Variants in WWC1 observed in about 807,000 individuals in gnomAD.
WWC1 encodes WW and C2 domain containing 1, also known as protein KIBRA.
WWC1 carries 55 observed loss-of-function variants against 138.4 expected under a neutral mutation model. The observed-to-expected ratio is 0.40, with a 90% CI of 0.32 to 0.50. The LOEUF (loss-of-function observed/expected upper bound fraction) is 0.50, where lower values mean the gene tolerates loss of function less well. Among genes scored for constraint, WWC1 ranks in the 20% least tolerant of loss-of-function variants. The pLI, the probability that WWC1 is intolerant of heterozygous loss-of-function variation, is 0.72. For missense variants in WWC1, 1,226 were observed against 1,420.4 expected (o/e 0.86, Z 2.20); for synonymous variants, 524 against 564.9 (o/e 0.93, Z 1.03).
Position 168,410,957 on chromosome 5 carries a change from C to T in WWC1, c.941+962C>T, listed in dbSNP as rs372876827. Reference sequence around the variant, plus strand: ...TTTTTTTTTTTTTTTTTTTTTGAGACGGAGTCTCGCTCTGTCACCCAGGAT... The same window carrying T: ...TTTTTTTTTTTTTTTTTTTTTGAGATGGAGTCTCGCTCTGTCACCCAGGAT... On this transcript the variant is annotated intron_variant, in intron 8 of 22. Transcript: ENST00000265293. 7.5e-3 allele frequency among the ~76,000 whole-genome samples: 845 copies of T among 112,072 alleles called. 11 individuals are homozygous for T. The highest frequency in any genetic ancestry group is 0.029 in the African/African-American group (805 of 27,448). 73.5% of individuals were successfully genotyped at this position (112,072 alleles called of 152,430 possible).
intron 1 of WWC1, among the ~76,000 whole-genome samples, chr5:168,367,027 A>T (rs941372488): frequency 4.6e-5 from 7 of 151,522 alleles, no homozygotes; most frequent in African/African-American, 1.7e-4. Flanking sequence ...TGAACTCCTG[A>T]CCTCGGGTGA....
chr5:168,317,935 G>A (rs1374895285), intron 1 of WWC1, among the ~76,000 whole-genome samples: 3 of 152,158 alleles, frequency 2.0e-5, no homozygotes, highest in African/African-American at 4.8e-5. Context: ...CTGAGAACAC[G>A]TTCACAGATA....
At chr5:168,456,969 G>C (rs144503706) in intron 19 of WWC1, among the ~76,000 whole-genome samples, 1 of 151,810 alleles carries the variant, frequency 6.6e-6, no homozygotes, top group Non-Finnish European at 1.5e-5. Flanking sequence ...TCCAGGATTC[G>C]CATCTTCAAA....
rs6874818 is a variant in WWC1, at chr5:168,428,094, C to A, written c.1872C>A (p.Asp624Glu). The A allele has an allele frequency of 6.2e-7, 1 of 1,613,764 alleles. No individual in the cohort carries two copies. Among genetic ancestry groups the A allele is most frequent in the Non-Finnish European group, 8.5e-7 (1 of 1,179,816 alleles). The change falls in exon 12 of 23, where the codon GAC (aspartate) becomes GAA (glutamate). Residue 624 changes from aspartate (D) to glutamate (E), a missense_variant. Physicochemically the swap from Asp to Glu is conservative, Grantham distance 45. This residue lies in a region of WWC1 where 1,016 missense variants were observed against 1,153.9 expected (regional missense o/e 0.88). Transcript: ENST00000265293. ...CCTGTGTCTCAGCCGCCGTATCGGA[C>A]GAGTCAGTGGCTGGAGACAGTGGTG... is the stretch of plus-strand genomic sequence containing the variant. ...KVACVSAAVS[D>E]ESVAGDSGVY...
chr5:168,435,572 G>A (rs558543056), intron 15 of WWC1, among the ~76,000 whole-genome samples: 164 of 152,058 alleles, frequency 1.1e-3, no homozygotes, highest in African/African-American at 3.3e-3. Context: ...CACCATGGCC[G>A]GCTAATTTTT....
chr5:168,371,163 C>T (rs141270707), intron 1 of WWC1, among the ~76,000 whole-genome samples: 2 of 152,312 alleles, frequency 1.3e-5, no homozygotes, highest in African/African-American at 4.8e-5. Context: ...TGACTTGCTC[C>T]AGTCACTTCT....
intron 1 of WWC1, among the ~76,000 whole-genome samples, chr5:168,308,386 AGAG>A (rs1183537093): frequency 6.6e-6 from 1 of 152,262 alleles, no homozygotes; most frequent in African/African-American, 2.4e-5. Flanking sequence ...TCCAAAGGTC[AGAG>A]GATAAAGTTA....
chr5:168,403,006 T>TTCTTTC (rs1220927332), intron 5 of WWC1, among the ~76,000 whole-genome samples: 6 of 105,608 alleles, frequency 5.7e-5, no homozygotes, highest in South Asian at 3.5e-4. Flanking sequence ...TGTTGTTTCT[T>TTCTTTC]TTTCTTTCTT....
At chr5:168,305,072 G>A (rs1273314274) in intron 1 of WWC1, among the ~76,000 whole-genome samples, 4 of 151,300 alleles carry the variant, frequency 2.6e-5, no homozygotes, top group Non-Finnish European at 4.4e-5. Context: ...TGATCCACCC[G>A]CCTCAGCCTC....
At chr5:168,438,371 T>A (rs964348205) in intron 15 of WWC1, among the ~76,000 whole-genome samples, 11 of 152,190 alleles carry the variant, frequency 7.2e-5, no homozygotes, top group Non-Finnish European at 1.2e-4. Flanking sequence ...CTGATGGTTA[T>A]ATAAGGGGCT....
chr5:168,413,834 T>C (rs1024184738), intron 8 of WWC1, among the ~76,000 whole-genome samples: 3 of 152,214 alleles, frequency 2.0e-5, no homozygotes, highest in African/African-American at 7.2e-5. Context: ...GAATTTTTCT[T>C]ATCTTTAAGG....
At chr5:168,339,833 T>TCTTTCTTTC (rs879455950) in intron 1 of WWC1, among the ~76,000 whole-genome samples, 9 of 25,064 alleles carry the variant, frequency 3.6e-4, no homozygotes, top group African/African-American at 9.0e-4. Flanking sequence ...TTTCTTTCTT[T>TCTTTCTTTC]TTCTTTTCTT....
chr5:168,437,877 G>T (rs1754380574), intron 15 of WWC1, among the ~76,000 whole-genome samples: 1 of 152,116 alleles, frequency 6.6e-6, no homozygotes, highest in Non-Finnish European at 1.5e-5. Context: ...ATCCCCCTAG[G>T]AAACCACGAG....
chr5:168,358,227 A>G (rs561474574), intron 1 of WWC1, among the ~76,000 whole-genome samples: 3 of 152,330 alleles, frequency 2.0e-5, no homozygotes, highest in East Asian at 1.9e-4. Context: ...TGCACAGCTT[A>G]GTTTAGAAAA....
At chr5:168,424,126 G>A in intron 11 of WWC1, 58 bp downstream of exon 11, 1 of 1,522,658 alleles carries the variant, frequency 6.6e-7, no homozygotes, top group South Asian at 1.3e-5. Context: ...GATACTCTGT[G>A]CTCAGAACCC....
chr5:168,414,169 C>T, intron 8 of WWC1, 179 bp from the exon 9 acceptor site: 1 of 837,874 alleles, frequency 1.2e-6, no homozygotes, highest in Admixed American at 3.0e-5. Flanking sequence ...ATTGTTGGCA[C>T]ATGGTAGGCA....
chr5:168,397,781 T>C lies in WWC1; in HGVS notation c.491T>C (p.Ile164Thr). 6.2e-7 allele frequency: 1 copy of C among 1,614,058 alleles called. No individual in the cohort carries two copies. ...KYDPEILKAE[I>T]ATAKSRVNKL... ...GACCCTGAGATCCTGAAAGCTGAAA[T>C]TGCCACTGCAAAATCCCGGGTAGGA... Residue 164 changes from isoleucine (I) to threonine (T), a missense_variant, in exon 4 of 23, where the codon ATT becomes ACT. Ile to Thr is a moderately conservative substitution (Grantham distance 89). This residue lies in a region of WWC1 where 1,016 missense variants were observed against 1,153.9 expected (regional missense o/e 0.88). Transcript: ENST00000265293.
intron 1 of WWC1, among the ~76,000 whole-genome samples, chr5:168,362,051 C>A (rs1775919360): frequency 6.6e-6 from 1 of 152,094 alleles, no homozygotes; most frequent in African/African-American, 2.4e-5. Context: ...CCAATGCTCT[C>A]CAGCCTGGGC....
At chr5:168,377,747 T>A (rs1777327785) in intron 2 of WWC1, among the ~76,000 whole-genome samples, 1 of 152,132 alleles carries the variant, frequency 6.6e-6, no homozygotes, top group African/African-American at 2.4e-5. Context: ...CTCACACCAG[T>A]CAGAATGGCT....
Sources: allele counts gnomAD v4.1 joint callset (sites outside exome capture counted in the v4.1 genomes callset), GRCh38; gene constraint gnomAD v4.1.1; regional missense constraint gnomAD v4.1.1; transcripts MANE v1.5; gene names NCBI Gene and HGNC (gene_info 2026-07-23, HGNC 2026-07-21).